ADARB2: variants seen among roughly 807,000 people sequenced by gnomAD.
ADARB2 encodes inactive double-stranded RNA-specific editase B2.
In ADARB2, 25 loss-of-function variants were observed where a neutral mutation model predicts 62.2. That is an observed-to-expected ratio of 0.40 (90% CI 0.29 to 0.56). The LOEUF (loss-of-function observed/expected upper bound fraction) is 0.56. ADARB2 is among the 20% of genes least tolerant of loss of function. ADARB2 has a pLI of 0.43. For missense variants in ADARB2, 1,071 were observed against 1,077.4 expected (o/e 0.99, Z 0.08); for synonymous variants, 572 against 500.8 (o/e 1.14, Z -1.90).
chr10:1,490,956 C>A (rs1015715606), intron 1 of ADARB2, among the ~76,000 whole-genome samples: 43 of 152,296 alleles, frequency 2.8e-4, no homozygotes, highest in Non-Finnish European at 1.5e-4. Flanking sequence ...CCTTGAAGTC[C>A]ACATCATGGC....
chr10:1,639,436 G>A (rs1833952312), intron 1 of ADARB2, among the ~76,000 whole-genome samples: 1 of 152,192 alleles, frequency 6.6e-6, no homozygotes, highest in Admixed American at 6.5e-5. Context: ...GCTTTATCTG[G>A]GTGTTTCTCC....
At chr10:1,483,422 G>A (rs985449939) in intron 1 of ADARB2, among the ~76,000 whole-genome samples, 12 of 152,174 alleles carry the variant, frequency 7.9e-5, no homozygotes, top group African/African-American at 2.9e-4. Flanking sequence ...TTTACAGTTC[G>A]ATGGTAATTC....
Position 1,363,149 on chromosome 10 carries a change from C to T in ADARB2, c.956G>A (p.Gly319Asp). Residue 319 changes from glycine to aspartate, a missense_variant, in exon 3 of 10, where the codon GGC (glycine) becomes GAC (aspartate). By Grantham distance (94) the Gly-to-Asp change is moderately conservative (BLOSUM62 -1). Transcript: ENST00000381312. ...GGCCAGCTTCTTGCTGCGCCCCGAG[C>T]CCTCGAACGTCCTGCCGTCCACGCT... Reference protein sequence around the residue: ...AVSVDGRTFEGSGRSKKLARG... With the variant: ...AVSVDGRTFEDSGRSKKLARG... The T allele has an allele frequency of 6.5e-7, 1 of 1,547,502 alleles. No individual in the cohort carries two copies. Among genetic ancestry groups the T allele is most frequent in the Non-Finnish European group, 8.6e-7 (1 of 1,156,090 alleles).
chr10:1,226,238 C>T (rs552457641), intron 6 of ADARB2, among the ~76,000 whole-genome samples: 22 of 152,320 alleles, frequency 1.4e-4, no homozygotes, highest in Non-Finnish European at 2.8e-4. Flanking sequence ...ATGTAGCTCT[C>T]GTGCCTTGAT....
chr10:1,324,128 T>C (rs769287021), intron 3 of ADARB2, among the ~76,000 whole-genome samples: 16 of 152,352 alleles, frequency 1.1e-4, no homozygotes, highest in Admixed American at 3.3e-4. Context: ...CATGGATATA[T>C]GGATAGGCAC....
intron 1 of ADARB2, among the ~76,000 whole-genome samples, chr10:1,642,689 ACACT>A (rs1833992568): frequency 6.6e-6 from 1 of 150,854 alleles, no homozygotes; most frequent in African/African-American, 2.4e-5. Context: ...CTCACCATAG[ACACT>A]CACACACTCA....
intron 1 of ADARB2, among the ~76,000 whole-genome samples, chr10:1,446,975 G>A (rs1422405460): frequency 1.3e-5 from 2 of 152,172 alleles, no homozygotes; most frequent in African/African-American, 4.8e-5. Context: ...TGAAGCTCAT[G>A]ACTTCATTTA....
intron 1 of ADARB2, among the ~76,000 whole-genome samples, chr10:1,523,422 G>GC (rs1402832218): frequency 1.3e-5 from 2 of 152,174 alleles, no homozygotes; most frequent in African/African-American, 4.8e-5. Flanking sequence ...GCAGCCCTGA[G>GC]CTGGGGAAAC....
rs144818897 is a variant in ADARB2 at position 1,342,346 on chromosome 10, G to A, written c.1077+20682C>T. 3.4e-4 allele frequency among the ~76,000 whole-genome samples: 52 copies of A among 152,306 alleles called. No homozygotes were observed. The East Asian group carries it at 9.7e-3, about 28-fold the overall frequency. On this transcript the variant is annotated intron_variant, in intron 3 of 9. Coordinates refer to ENST00000381312, the MANE Select transcript of ADARB2 (RefSeq NM_018702.4). The stretch of plus-strand genomic sequence containing the variant: ...CACAGAACCAGGACTGACACCAACA[G>A]GGCCTTGACTCTGAGGCCTCTGCCC...
chr10:1,659,499 C>T (rs1299933535), intron 1 of ADARB2, among the ~76,000 whole-genome samples: 4 of 152,248 alleles, frequency 2.6e-5, no homozygotes, highest in Non-Finnish European at 4.4e-5. Context: ...TCCCTCTTCC[C>T]TGGAAGGAGC....
At chr10:1,573,147 G>A (rs561367964) in intron 1 of ADARB2, among the ~76,000 whole-genome samples, 1 of 152,364 alleles carries the variant, frequency 6.6e-6, no homozygotes, top group South Asian at 2.1e-4. Context: ...GCTGACGTTT[G>A]TTTGGAGGCA....
chr10:1,484,785 C>T (rs1831520749), intron 1 of ADARB2, among the ~76,000 whole-genome samples: 1 of 152,050 alleles, frequency 6.6e-6, no homozygotes, highest in South Asian at 2.1e-4. Context: ...GATGTAGGTA[C>T]AAATGCAGGT....
intron 3 of ADARB2, among the ~76,000 whole-genome samples, chr10:1,319,889 A>G (rs1464910018): frequency 6.6e-6 from 1 of 152,220 alleles, no homozygotes; most frequent in Non-Finnish European, 1.5e-5. Flanking sequence ...ATGGATTCCC[A>G]GCAGTGGGAC....
chr10:1,509,996 CTT>C (rs992021822), intron 1 of ADARB2, among the ~76,000 whole-genome samples: 26 of 151,894 alleles, frequency 1.7e-4, no homozygotes, highest in Admixed American at 9.8e-4. Context: ...TTCTTTTTCT[CTT>C]TCTTTCTTTT....
chr10:1,608,503 A>C (rs1306837173), intron 1 of ADARB2, among the ~76,000 whole-genome samples: 1 of 151,336 alleles, frequency 6.6e-6, no homozygotes, highest in Non-Finnish European at 1.5e-5. Context: ...GGGGAAAAGA[A>C]GGGAGAAAGA....
At chr10:1,200,544 A>C (rs538676689) in intron 7 of ADARB2, among the ~76,000 whole-genome samples, 2 of 152,334 alleles carry the variant, frequency 1.3e-5, no homozygotes, top group Non-Finnish European at 2.9e-5. Flanking sequence ...TTTAGGGAAA[A>C]ATACTTAGTA....
chr10:1,420,189 G>A (rs557702246), intron 1 of ADARB2, among the ~76,000 whole-genome samples: 56 of 152,296 alleles, frequency 3.7e-4, no homozygotes, highest in South Asian at 2.3e-3. Flanking sequence ...AATATTTAAA[G>A]TTCTAATCTA....
chr10:1,221,645 T>C (rs1830697109), intron 6 of ADARB2, among the ~76,000 whole-genome samples: 1 of 148,210 alleles, frequency 6.7e-6, no homozygotes, highest in Non-Finnish European at 1.5e-5. Context: ...TCAATTCCCA[T>C]CTATGAGTGA....
intron 1 of ADARB2, among the ~76,000 whole-genome samples, chr10:1,651,948 AG>A (rs1361658125): frequency 6.6e-6 from 1 of 150,984 alleles, no homozygotes; most frequent in African/African-American, 2.4e-5. Flanking sequence ...GAAAAGCATC[AG>A]TTCTTGAGAA....
Sources: gnomAD v4.1 joint callset for allele counts (sites outside exome capture counted in the v4.1 genomes callset) on GRCh38, gnomAD v4.1.1 for gene constraint, MANE v1.5 for transcripts, NCBI Gene and HGNC (gene_info 2026-07-23, HGNC 2026-07-21) for gene names.